The following NBAS variants were observed in gnomAD, a reference collection of about 807,000 sequenced individuals.
The protein encoded by NBAS is NBAS subunit of NRZ tethering complex.
A neutral mutation model predicts 302.5 loss-of-function variants in NBAS; 219 were observed. That is an observed-to-expected ratio of 0.72 (90% CI 0.65 to 0.81). The LOEUF is 0.81. Among genes scored for constraint, NBAS ranks in the 30% least tolerant of loss-of-function variants. The probability of loss-of-function intolerance (pLI) is 0.00; values close to 1 mark genes in which losing one functional copy is unlikely to be tolerated. For synonymous variants in NBAS, 1,118 were observed against 1,021.6 expected (o/e 1.09, Z -1.80); for missense variants, 2,932 against 2,841.6 (o/e 1.03, Z -0.72).
At chr2:14,826,157 G>A in the NBAS span, among the ~76,000 whole-genome samples, 1 of 152,100 alleles carries the variant, frequency 6.6e-6, no homozygotes, top group African/African-American at 2.4e-5. Flanking sequence ...ACAAGTTCAG[G>A]GCTTCTCACT....
intron 6 of NBAS, among the ~76,000 whole-genome samples, chr2:15,550,767 A>G (rs1664344666): frequency 2.6e-5 from 4 of 151,852 alleles, no homozygotes; most frequent in Non-Finnish European, 5.9e-5. Flanking sequence ...TTGTATTTTT[A>G]GTAGAGACGG....
intron 11 of NBAS, among the ~76,000 whole-genome samples, chr2:15,496,073 T>C (rs1026433861): frequency 3.5e-5 from 5 of 144,736 alleles, no homozygotes; most frequent in Middle Eastern, 3.6e-3. Context: ...TGTATATATA[T>C]ACACACACAC....
intron 21 of NBAS, among the ~76,000 whole-genome samples, chr2:15,446,530 G>T (rs375541264): frequency 1.6e-4 from 25 of 152,064 alleles, no homozygotes; most frequent in African/African-American, 5.3e-4. Flanking sequence ...GCACTGCAAG[G>T]CATGCTAAAG....
the NBAS span, among the ~76,000 whole-genome samples, chr2:14,858,309 G>A: frequency 6.6e-6 from 1 of 151,956 alleles, no homozygotes; most frequent in African/African-American, 2.4e-5. Flanking sequence ...CCCACTGCTG[G>A]GTATATACCC....
chr2:14,967,804 A>G, the NBAS span, among the ~76,000 whole-genome samples: 1 of 152,230 alleles, frequency 6.6e-6, no homozygotes, highest in East Asian at 1.9e-4. Context: ...CAAGTCATGT[A>G]TGGAGTAAGG....
intron 33 of NBAS, among the ~76,000 whole-genome samples, chr2:15,354,988 G>A (rs1319708157): frequency 6.6e-6 from 1 of 152,130 alleles, no homozygotes; most frequent in South Asian, 2.1e-4. Flanking sequence ...TAGCCTGCTG[G>A]CTACAAATGT....
the NBAS span, among the ~76,000 whole-genome samples, chr2:15,051,091 T>A: frequency 4.6e-5 from 7 of 152,138 alleles, no homozygotes; most frequent in Non-Finnish European, 8.8e-5. Context: ...GGGGTCTCAA[T>A]AAATATTTGT....
chr2:15,559,357 A>G (rs1269089936), intron 1 of NBAS, among the ~76,000 whole-genome samples: 1 of 152,206 alleles, frequency 6.6e-6, no homozygotes, highest in African/African-American at 2.4e-5. Flanking sequence ...ATCTATACAG[A>G]CAATGCTACT....
chr2:14,929,454 T>G, the NBAS span, among the ~76,000 whole-genome samples: 1 of 152,232 alleles, frequency 6.6e-6, no homozygotes, highest in South Asian at 2.1e-4. Context: ...CTCGGCTCAC[T>G]GCAACCTCCA....
chr2:15,493,380 T>C (rs932804400), intron 11 of NBAS, among the ~76,000 whole-genome samples: 1 of 152,154 alleles, frequency 6.6e-6, no homozygotes, highest in East Asian at 1.9e-4. Context: ...AATAAAAGTA[T>C]ACCTCGGCCA....
chr2:15,492,277 A>C lies in NBAS; in HGVS notation c.955-3255T>G, dbSNP rs138401465. ...TTATTTTGCTTATAAATACACATCAAGTATGCATTTCTTTGAAGTCCCAAG... is the reference window on the plus strand; with the variant it reads ...TTATTTTGCTTATAAATACACATCACGTATGCATTTCTTTGAAGTCCCAAG... On this transcript the variant is annotated intron_variant, in intron 11 of 51. Transcript: ENST00000281513. Among the ~76,000 whole-genome samples the C allele has an allele frequency of 5.2e-3, 792 of 152,288 alleles. 9 individuals are homozygous for C. The highest frequency in any genetic ancestry group is 0.018 in the African/African-American group (761 of 41,560).
At chr2:15,534,125 G>A (rs1406999427) in intron 9 of NBAS, among the ~76,000 whole-genome samples, 2 of 152,176 alleles carry the variant, frequency 1.3e-5, no homozygotes, top group Admixed American at 6.5e-5. Flanking sequence ...GTTGCTGGAA[G>A]GAACTGTGCA....
the NBAS span, among the ~76,000 whole-genome samples, chr2:14,819,711 C>T: frequency 6.6e-6 from 1 of 152,174 alleles, no homozygotes. Context: ...TTACAATCAA[C>T]AAAGTGGAGA....
chr2:15,319,109 C>A (rs1229877076), intron 38 of NBAS, among the ~76,000 whole-genome samples: 2 of 152,258 alleles, frequency 1.3e-5, no homozygotes, highest in East Asian at 3.9e-4. Flanking sequence ...CAAAACCACA[C>A]AACAACATGG....
At chr2:15,107,969 T>A in the NBAS span, among the ~76,000 whole-genome samples, 63 of 152,088 alleles carry the variant, frequency 4.1e-4, 1 homozygote, top group Admixed American at 4.1e-3. Context: ...CTTCTTTCCC[T>A]CAGCATAATG....
chr2:14,878,126 G>T, the NBAS span, among the ~76,000 whole-genome samples: 1 of 152,176 alleles, frequency 6.6e-6, no homozygotes, highest in East Asian at 1.9e-4. Context: ...CTAGCTTGCT[G>T]GCAAGTAATG....
At position 15,226,507 on chromosome 2, in the gene NBAS, C is replaced by A. The variant is rs1196944745; in HGVS notation, c.6236+5915G>T. On this transcript the variant is annotated intron_variant, in intron 47 of 51. Transcript: ENST00000281513. ...CATAAATAATAAGAGACAGCATACA[C>A]ATTTATAGATTTCTTTTATGAAAGA... Among the ~76,000 whole-genome samples the A allele has an allele frequency of 2.0e-5, 3 of 152,258 alleles. No individual in the cohort carries two copies. The East Asian group carries it at 5.8e-4, about 29-fold the overall frequency.
At chr2:15,266,153 G>A (rs1669067145) in intron 44 of NBAS, among the ~76,000 whole-genome samples, 2 of 152,148 alleles carry the variant, frequency 1.3e-5, no homozygotes, top group South Asian at 2.1e-4. Flanking sequence ...CTGCCACCCT[G>A]TGAAAAGGTG....
At chr2:15,161,784 C>A in the NBAS span, among the ~76,000 whole-genome samples, 1 of 152,130 alleles carries the variant, frequency 6.6e-6, no homozygotes, top group African/African-American at 2.4e-5. Context: ...TGCTGTCCTC[C>A]CAGAAAGTCA....
Sources: allele counts gnomAD v4.1 joint callset (sites outside exome capture counted in the v4.1 genomes callset), GRCh38; gene constraint gnomAD v4.1.1; transcripts MANE v1.5; gene names NCBI Gene and HGNC (gene_info 2026-07-23, HGNC 2026-07-21).